The following ATXN1 variants were observed in gnomAD, a reference collection of about 807,000 sequenced individuals.
ATXN1 encodes the protein ataxin 1.
ATXN1 carries 8 observed loss-of-function variants against 56.4 expected under a neutral mutation model. That is an observed-to-expected ratio of 0.14 (90% confidence interval 0.08 to 0.26). The LOEUF is 0.26. Ranked by LOEUF, ATXN1 falls within the 10% of genes least tolerant of loss-of-function variation. The pLI is 1.00. For missense variants in ATXN1, 987 were observed against 1,106.5 expected, an observed-to-expected ratio of 0.89 and a Z score of 1.53; for synonymous variants, 514 against 494.6, an observed-to-expected ratio of 1.04 and a Z score of -0.52.
intron 6 of ATXN1, among the ~76,000 whole-genome samples, chr6:16,469,786 A>C (rs973425334): frequency 1.3e-5 from 2 of 152,122 alleles, no homozygotes; most frequent in African/African-American, 4.8e-5. Flanking sequence ...CAACATGGCA[A>C]AACCCTGACC....
intron 6 of ATXN1, among the ~76,000 whole-genome samples, chr6:16,436,642 G>C (rs549350066): frequency 2.0e-5 from 3 of 151,956 alleles, no homozygotes; most frequent in Non-Finnish European, 4.4e-5. Flanking sequence ...GTGGGCTCCT[G>C]TGTGGTGTGT....
intron 4 of ATXN1, among the ~76,000 whole-genome samples, chr6:16,541,679 A>G (rs1466764664): frequency 1.3e-5 from 2 of 152,214 alleles, no homozygotes; most frequent in East Asian, 1.9e-4. Flanking sequence ...ACAGTGCCGC[A>G]CTTGGACCTG....
chr6:16,586,411 C>T (rs533518707), intron 3 of ATXN1, among the ~76,000 whole-genome samples: 2 of 152,302 alleles, frequency 1.3e-5, no homozygotes, highest in East Asian at 3.9e-4. Flanking sequence ...ACACATGCCT[C>T]TTTGTTAATA....
intron 6 of ATXN1, among the ~76,000 whole-genome samples, chr6:16,385,872 G>A (rs940312461): frequency 1.3e-5 from 2 of 152,118 alleles, no homozygotes; most frequent in African/African-American, 2.4e-5. Flanking sequence ...TTCTGATAAC[G>A]TGCTAATCTC....
intron 4 of ATXN1, among the ~76,000 whole-genome samples, chr6:16,561,234 C>T (rs1243240000): frequency 6.6e-6 from 1 of 152,098 alleles, no homozygotes; most frequent in African/African-American, 2.4e-5. Context: ...GATGCCATAA[C>T]ACTCATTGCT....
chr6:16,529,450 A>C (rs1413810995), intron 4 of ATXN1, among the ~76,000 whole-genome samples: 1 of 152,120 alleles, frequency 6.6e-6, no homozygotes, highest in Non-Finnish European at 1.5e-5. Flanking sequence ...AACAGCATAG[A>C]GACAGTCTTA....
At chr6:16,314,619 A>C (rs1760469073) in intron 7 of ATXN1, among the ~76,000 whole-genome samples, 1 of 151,728 alleles carries the variant, frequency 6.6e-6, no homozygotes, top group South Asian at 2.1e-4. Context: ...TGTTATTATT[A>C]TTATTTTTTT....
At position 16,328,223 on chromosome 6, in the gene ATXN1, C is replaced by A. The variant is rs1760895329; in HGVS notation, c.88G>T (p.Ala30Ser). ...PATSRSSEEK[A>S]PTLPSDNHRV... ...TGGTTGTCGCTGGGCAGGGTAGGGG[C>A]CTTCTCCTCGGAGGACCGGCTGGTG... Residue 30 changes from alanine to serine, a missense_variant, in exon 7 of 8, where the codon GCC becomes TCC. Transcript: ENST00000436367. The surrounding 1 kb of genome is among the most constrained non-coding windows in gnomAD (Gnocchi z 6.2). 6.3e-7 allele frequency: 1 copy of A among 1,584,956 alleles called. No homozygotes were observed. Among genetic ancestry groups the A allele is most frequent in the South Asian group, 1.1e-5 (1 of 88,428 alleles).
intron 5 of ATXN1, among the ~76,000 whole-genome samples, chr6:16,489,940 T>C (rs1388245836): frequency 6.6e-6 from 1 of 152,162 alleles, no homozygotes; most frequent in Non-Finnish European, 1.5e-5. Flanking sequence ...TTTGTATTTC[T>C]GACAAGTTCC....
intron 6 of ATXN1, among the ~76,000 whole-genome samples, chr6:16,417,014 C>G (rs966780037): frequency 5.9e-5 from 9 of 152,162 alleles, no homozygotes; most frequent in African/African-American, 2.2e-4. Context: ...AATGTTTTGT[C>G]AACTTCCCCT....
chr6:16,734,987 A>G (rs1760079598), intron 2 of ATXN1, among the ~76,000 whole-genome samples: 2 of 152,138 alleles, frequency 1.3e-5, no homozygotes, highest in African/African-American at 4.8e-5. Context: ...ATACTTTTGT[A>G]TTTCTATTTT....
intron 2 of ATXN1, among the ~76,000 whole-genome samples, chr6:16,664,919 C>G (rs907913907): frequency 2.6e-5 from 4 of 151,968 alleles, no homozygotes; most frequent in African/African-American, 9.7e-5. Context: ...TACTAATATA[C>G]CCATTGCATA....
At chr6:16,730,192 T>C (rs1429623601) in intron 2 of ATXN1, among the ~76,000 whole-genome samples, 1 of 152,126 alleles carries the variant, frequency 6.6e-6, no homozygotes, top group Non-Finnish European at 1.5e-5. Flanking sequence ...GGCAGGAGAA[T>C]CACCTGAACC....
chr6:16,667,398 C>G (rs1007077124), intron 2 of ATXN1: 7 of 152,302 alleles, frequency 4.6e-5, no homozygotes, highest in African/African-American at 1.7e-4. Flanking sequence ...AGAGCCCATC[C>G]TAAAATATGT....
intron 5 of ATXN1, among the ~76,000 whole-genome samples, chr6:16,518,636 G>A (rs1581816241): frequency 6.6e-6 from 1 of 152,116 alleles, no homozygotes; most frequent in Non-Finnish European, 1.5e-5. Context: ...GTTTCCATAA[G>A]ATAAAAACCT....
intron 5 of ATXN1, among the ~76,000 whole-genome samples, chr6:16,498,585 C>T (rs937879997): frequency 2.0e-5 from 3 of 152,172 alleles, no homozygotes; most frequent in African/African-American, 7.2e-5. Context: ...ATAGTGATTG[C>T]ACCATACTAC....
At chr6:16,336,550 A>G (rs1761127031) in intron 6 of ATXN1, among the ~76,000 whole-genome samples, 1 of 152,148 alleles carries the variant, frequency 6.6e-6, no homozygotes, top group Non-Finnish European at 1.5e-5. Context: ...AGGCCATAGG[A>G]GTGGTGAGAC....
At chr6:16,674,336 CTTTTTTT>C (rs869081370) in intron 2 of ATXN1, among the ~76,000 whole-genome samples, 69 of 78,114 alleles carry the variant, frequency 8.8e-4, no homozygotes, top group African/African-American at 3.5e-3. Context: ...AGAGAACTTT[CTTTTTTT>C]TTTTTTTTTT....
At chr6:16,643,075 G>T (rs1184953738) in intron 3 of ATXN1, among the ~76,000 whole-genome samples, 1 of 152,056 alleles carries the variant, frequency 6.6e-6, no homozygotes, top group African/African-American at 2.4e-5. Context: ...TTCGAGACCA[G>T]CCTCACCAAT....
Sources: gnomAD v4.1 joint callset for allele counts (sites outside exome capture counted in the v4.1 genomes callset) on GRCh38, gnomAD v4.1.1 for gene constraint, Gnocchi (gnomAD v3.1) non-coding constraint, MANE v1.5 for transcripts, NCBI Gene and HGNC (gene_info 2026-07-23, HGNC 2026-07-21) for gene names.